Variants in ARID2 observed in about 807,000 individuals in gnomAD.
ARID2 encodes AT-rich interaction domain 2, also known as AT-rich interactive domain-containing protein 2.
ARID2 carries 32 observed loss-of-function variants against 184.6 expected under a neutral mutation model. The observed-to-expected ratio is 0.17, with a 90% CI of 0.13 to 0.23. ARID2 has a LOEUF of 0.23. Ranked by LOEUF, ARID2 falls within the 10% of genes least tolerant of loss-of-function variation. The probability of loss-of-function intolerance (pLI) is 1.00; values close to 1 mark genes in which losing one functional copy is unlikely to be tolerated. For missense variants in ARID2, 1,696 were observed against 2,197.6 expected (o/e 0.77, Z 4.56); for synonymous variants, 836 against 772.6 (o/e 1.08, Z -1.36).
intron 3 of ARID2, among the ~76,000 whole-genome samples, chr12:45,767,872 G>A (rs1941801299): frequency 6.6e-6 from 1 of 152,184 alleles, no homozygotes; most frequent in East Asian, 1.9e-4. Context: ...AGACATTTGA[G>A]CTATACATTT....
chr12:45,877,628 T>C (rs1312215727), intron 16 of ARID2, among the ~76,000 whole-genome samples: 3 of 152,072 alleles, frequency 2.0e-5, no homozygotes, highest in Admixed American at 6.5e-5. Context: ...AAAATTGTCT[T>C]CCATGAAAGT....
chr12:45,824,661 C>T (rs1044164583), intron 6 of ARID2, among the ~76,000 whole-genome samples: 1 of 151,858 alleles, frequency 6.6e-6, no homozygotes, highest in African/African-American at 2.4e-5. Context: ...AAAGGGAACT[C>T]ATACACTGTT....
chr12:45,828,173 C>G (rs989830219), intron 6 of ARID2, among the ~76,000 whole-genome samples: 1 of 151,986 alleles, frequency 6.6e-6, no homozygotes, highest in Admixed American at 6.6e-5. Context: ...ATTCATTCCC[C>G]CTTTCAGTCA....
chr12:45,809,045 G>A (rs1234114260), intron 3 of ARID2, among the ~76,000 whole-genome samples: 2 of 152,150 alleles, frequency 1.3e-5, no homozygotes, highest in Non-Finnish European at 2.9e-5. Flanking sequence ...GATTACAGGC[G>A]TGAGCCACTG....
chr12:45,767,402 C>T (rs1348733306), intron 3 of ARID2, among the ~76,000 whole-genome samples: 1 of 150,572 alleles, frequency 6.6e-6, no homozygotes, highest in African/African-American at 2.4e-5. Flanking sequence ...AATTTTTTTT[C>T]TTTCAAGATT....
chr12:45,877,324 T>C (rs1944026158), intron 16 of ARID2, among the ~76,000 whole-genome samples: 1 of 152,014 alleles, frequency 6.6e-6, no homozygotes. Context: ...GTGGCGGCAT[T>C]GGATTCTCAT....
chr12:45,739,657 AT>A (rs530682959), intron 3 of ARID2, among the ~76,000 whole-genome samples: 87 of 152,078 alleles, frequency 5.7e-4, no homozygotes, highest in African/African-American at 2.0e-3. Flanking sequence ...CCAGTAGTCA[AT>A]TGCTGTGTGC....
chr12:45,783,166 T>A lies in ARID2; in HGVS notation c.285-28252T>A, dbSNP rs148349899. Among the ~76,000 whole-genome samples the A allele has an allele frequency of 3.3e-5, 5 of 151,884 alleles. No individual in the cohort carries two copies. The East Asian group carries it at 9.7e-4, about 29-fold the overall frequency. ...AAAAGTGAAAAATGATTCTCATGAT[T>A]GAAAAAAAAATCCAAAGCTTAGAAA... On this transcript the variant is annotated intron_variant, in intron 3 of 20. Coordinates refer to ENST00000334344, the MANE Select transcript of ARID2 (RefSeq NM_152641.4).
intron 16 of ARID2, among the ~76,000 whole-genome samples, chr12:45,876,812 G>A (rs186876011): frequency 2.8e-4 from 42 of 149,706 alleles, no homozygotes; most frequent in South Asian, 1.5e-3. Flanking sequence ...AAAAAAGGCC[G>A]GGCGTGGTGG....
At chr12:45,860,438 T>C (rs1299359928) in intron 15 of ARID2, among the ~76,000 whole-genome samples, 1 of 152,166 alleles carries the variant, frequency 6.6e-6, no homozygotes, top group Admixed American at 6.5e-5. Context: ...GTTGATCTGT[T>C]CTTGTGAAGA....
At chr12:45,858,054 C>G (rs965451064) in intron 15 of ARID2, among the ~76,000 whole-genome samples, 9 of 152,230 alleles carry the variant, frequency 5.9e-5, no homozygotes, top group African/African-American at 1.9e-4. Flanking sequence ...GCCACCGTGC[C>G]TGGCCTAGCT....
At chr12:45,749,707 C>G (rs1941422955) in intron 3 of ARID2, among the ~76,000 whole-genome samples, 1 of 152,218 alleles carries the variant, frequency 6.6e-6, no homozygotes, top group South Asian at 2.1e-4. Context: ...TGTAGATTCA[C>G]TGTCACCACT....
chr12:45,866,928 TTTGTTG>T lies in ARID2; in HGVS notation c.4922+6012_4922+6017del, dbSNP rs369872664. Among the ~76,000 whole-genome samples the T allele has an allele frequency of 8.6e-3, 1,285 of 150,160 alleles. 8 individuals are homozygous for T. The highest frequency in any genetic ancestry group is 0.013 in the Non-Finnish European group (883 of 67,522). ...TGTTTTGTTGGGTTGTTTTGTGAAGTTTGTTGTTGTTGTTGTTGTTGTTGTTGTTGT... is the reference window on the plus strand; with the variant it reads ...TGTTTTGTTGGGTTGTTTTGTGAAGTTTGTTGTTGTTGTTGTTGTTGTTGT... On this transcript the variant is annotated intron_variant, in intron 16 of 20. Coordinates refer to ENST00000334344, the MANE Select transcript of ARID2 (RefSeq NM_152641.4).
At chr12:45,757,867 T>C (rs928768221) in intron 3 of ARID2, among the ~76,000 whole-genome samples, 1 of 152,214 alleles carries the variant, frequency 6.6e-6, no homozygotes, top group Admixed American at 6.5e-5. Context: ...TGAATTATCT[T>C]TTATTCTTGA....
chr12:45,742,208 G>A (rs1366545930), intron 3 of ARID2, among the ~76,000 whole-genome samples: 1 of 152,230 alleles, frequency 6.6e-6, no homozygotes. Context: ...AAAGTGTTTT[G>A]GTAAATGATG....
chr12:45,864,743 T>G (rs1943807122), intron 16 of ARID2, among the ~76,000 whole-genome samples: 1 of 152,192 alleles, frequency 6.6e-6, no homozygotes, highest in South Asian at 2.1e-4. Flanking sequence ...TTTTGTGATA[T>G]AAACAGCCTT....
chr12:45,752,123 T>G (rs756010103), intron 3 of ARID2, among the ~76,000 whole-genome samples: 7 of 152,248 alleles, frequency 4.6e-5, no homozygotes, highest in Non-Finnish European at 8.8e-5. Flanking sequence ...GTCTATAATA[T>G]GTGTTAATAG....
At chr12:45,892,186 G>A (rs1592144771) in intron 18 of ARID2, 90 bp downstream of exon 18, 1 of 1,305,928 alleles carries the variant, frequency 7.7e-7, no homozygotes, top group South Asian at 1.4e-5. Flanking sequence ...CATATTAGGA[G>A]ACCAGAAACC....
Position 45,852,915 on chromosome 12 carries a change from A to G in ARID2, c.4773+19A>G. 6.5e-7 allele frequency: 1 copy of G among 1,529,776 alleles called. No individual in the cohort carries two copies. The highest frequency in any genetic ancestry group is 8.8e-7 in the Non-Finnish European group (1 of 1,141,630). 94.8% of individuals were successfully genotyped at this position (1,529,776 alleles called of 1,614,324 possible). A position where few individuals can be genotyped will look rare whatever the true frequency, so the allele number is the denominator to read the frequency against. On this transcript the variant is annotated intron_variant, in intron 15 of 20. Coordinates refer to ENST00000334344, the MANE Select transcript of ARID2 (RefSeq NM_152641.4). ...CCCGCAGGTAAGTTATTCCATGATC[A>G]CATTTCTCTTATGAAATTTCTGATC...
Sources: gnomAD v4.1 joint callset for allele counts (sites outside exome capture counted in the v4.1 genomes callset) on GRCh38, gnomAD v4.1.1 for gene constraint, MANE v1.5 for transcripts, NCBI Gene and HGNC (gene_info 2026-07-23, HGNC 2026-07-21) for gene names.